The following ABI1 variants were observed in gnomAD, a reference collection of about 807,000 sequenced individuals.
ABI1 encodes the protein abl interactor 1.
In ABI1, 14 loss-of-function variants were observed where a neutral mutation model predicts 54.6. The observed-to-expected ratio is 0.26, with a 90% CI of 0.17 to 0.40. ABI1 has a LOEUF of 0.40. ABI1 is among the 10% of genes least tolerant of loss of function. The pLI is 1.00. For synonymous variants in ABI1, 194 were observed against 209.3 expected (o/e 0.93, Z 0.63); for missense variants, 443 against 598.3 (o/e 0.74, Z 2.71).
At chr10:26,749,345 A>C (rs2132381037) in intron 10 of ABI1, among the ~76,000 whole-genome samples, 1 of 152,344 alleles carries the variant, frequency 6.6e-6, no homozygotes, top group Middle Eastern at 3.4e-3. Flanking sequence ...AGTAACCCTT[A>C]TCTGAAATGC....
At chr10:26,851,706 G>C (rs2050410015) in intron 1 of ABI1, among the ~76,000 whole-genome samples, 1 of 151,650 alleles carries the variant, frequency 6.6e-6, no homozygotes, top group South Asian at 2.1e-4. Flanking sequence ...TAGGACTTTA[G>C]CTAGGAGGAA....
intron 2 of ABI1, among the ~76,000 whole-genome samples, chr10:26,788,140 G>T (rs569989960): frequency 4.6e-5 from 7 of 152,252 alleles, no homozygotes; most frequent in African/African-American, 1.7e-4. Flanking sequence ...AGTCTCACGA[G>T]ATCTGATGGT....
chr10:26,753,653 T>C (rs1052051489), intron 9 of ABI1, among the ~76,000 whole-genome samples: 4 of 152,220 alleles, frequency 2.6e-5, no homozygotes, highest in African/African-American at 9.6e-5. Context: ...ATCACCCACT[T>C]TGAGTGTCAT....
chr10:26,843,764 T>C (rs1486693924), intron 1 of ABI1, among the ~76,000 whole-genome samples: 1 of 150,988 alleles, frequency 6.6e-6, no homozygotes, highest in African/African-American at 2.4e-5. Context: ...AAATACCCAA[T>C]TGAGTTGAAA....
At chr10:26,856,966 C>T (rs2050867543) in intron 1 of ABI1, among the ~76,000 whole-genome samples, 1 of 152,138 alleles carries the variant, frequency 6.6e-6, no homozygotes, top group African/African-American at 2.4e-5. Flanking sequence ...AAAATTCAAT[C>T]TGGTCATAGT....
At chr10:26,783,381 A>T in intron 2 of ABI1, among the ~76,000 whole-genome samples, 1 of 152,228 alleles carries the variant, frequency 6.6e-6, no homozygotes, top group East Asian at 1.9e-4. Flanking sequence ...TTGGTTGCTC[A>T]ACATTGTAAC....
At chr10:26,784,756 T>C (rs1254690494) in intron 2 of ABI1, among the ~76,000 whole-genome samples, 1 of 152,214 alleles carries the variant, frequency 6.6e-6, no homozygotes, top group Non-Finnish European at 1.5e-5. Flanking sequence ...TTCCCGACTT[T>C]AGCTGAAGCA....
At chr10:26,856,972 A>G (rs1197015973) in intron 1 of ABI1, among the ~76,000 whole-genome samples, 1 of 152,174 alleles carries the variant, frequency 6.6e-6, no homozygotes, top group Non-Finnish European at 1.5e-5. Context: ...CAATCTGGTC[A>G]TAGTAAAGGA....
intron 1 of ABI1, among the ~76,000 whole-genome samples, chr10:26,836,910 G>A (rs1296233419): frequency 6.6e-6 from 1 of 152,016 alleles, no homozygotes; most frequent in Admixed American, 6.6e-5. Context: ...TCATAAAAAG[G>A]GTCTTGGCTG....
chr10:26,753,316 A>C (rs1175612981), intron 9 of ABI1, among the ~76,000 whole-genome samples: 44 of 152,158 alleles, frequency 2.9e-4, no homozygotes, highest in Non-Finnish European at 2.9e-5. Context: ...TTTTAATATT[A>C]TTGAGGAGAG....
Position 26,860,325 on chromosome 10 carries a change from T to C in ABI1, c.117+422A>G, listed in dbSNP as rs1229293076. On this transcript the variant is annotated intron_variant, in intron 1 of 10. Transcript: ENST00000376140. This position sits in a 1 kb window ranked among gnomAD's most constrained non-coding sequence, Gnocchi z 4.1. The stretch of plus-strand genomic sequence containing the variant: ...CCCTCTCCTCTCCCCTCTCCCGTCC[T>C]GGACCTCCTCTCCCGGCGCAGAGAG... Among the ~76,000 whole-genome samples the C allele has an allele frequency of 3.3e-5, 5 of 152,052 alleles. No individual in the cohort carries two copies. Among genetic ancestry groups the C allele is most frequent in the Admixed American group, 3.3e-4 (5 of 15,268 alleles).
chr10:26,847,592 A>G (rs1417139887), intron 1 of ABI1, among the ~76,000 whole-genome samples: 1 of 151,930 alleles, frequency 6.6e-6, no homozygotes, highest in African/African-American at 2.4e-5. Context: ...CCACTGTACT[A>G]CAGCCTGAGC....
At chr10:26,837,131 G>A (rs1238131217) in intron 1 of ABI1, among the ~76,000 whole-genome samples, 2 of 152,100 alleles carry the variant, frequency 1.3e-5, no homozygotes. Context: ...ATATACAGTC[G>A]GCTTGGGCTG....
At chr10:26,760,925 C>CT (rs1839060182) in intron 7 of ABI1, among the ~76,000 whole-genome samples, 2 of 143,364 alleles carry the variant, frequency 1.4e-5, no homozygotes, top group African/African-American at 5.2e-5. Context: ...AAGAGTAAGC[C>CT]TTTAACTGTT....
chr10:26,835,443 T>C (rs575350559), intron 1 of ABI1, among the ~76,000 whole-genome samples: 83 of 152,064 alleles, frequency 5.5e-4, no homozygotes, highest in Admixed American at 9.8e-4. Context: ...GGTGTGGTGG[T>C]GCACACCTGT....
At chr10:26,776,066 C>T (rs1841373010) in intron 3 of ABI1, among the ~76,000 whole-genome samples, 1 of 152,118 alleles carries the variant, frequency 6.6e-6, no homozygotes, top group Admixed American at 6.5e-5. Flanking sequence ...TAGCCACATC[C>T]CTGGATAAAA....
chr10:26,756,611 T>TGG (rs1838344442), intron 8 of ABI1, among the ~76,000 whole-genome samples: 1 of 152,168 alleles, frequency 6.6e-6, no homozygotes, highest in Non-Finnish European at 1.5e-5. Context: ...TAATACCAAA[T>TGG]ACTCATGTAT....
At chr10:26,831,134 TC>T (rs2048643942) in intron 1 of ABI1, among the ~76,000 whole-genome samples, 1 of 152,096 alleles carries the variant, frequency 6.6e-6, no homozygotes, top group Non-Finnish European at 1.5e-5. Context: ...TTAACTCTCC[TC>T]CCATTCCTTC....
At chr10:26,831,409 C>A (rs999974630) in intron 1 of ABI1, among the ~76,000 whole-genome samples, 1 of 151,804 alleles carries the variant, frequency 6.6e-6, no homozygotes, top group South Asian at 2.1e-4. Flanking sequence ...CAGGAGTGGT[C>A]GCAGGCACCT....
Sources: gnomAD v4.1 joint callset for allele counts (sites outside exome capture counted in the v4.1 genomes callset) on GRCh38, gnomAD v4.1.1 for gene constraint, Gnocchi (gnomAD v3.1) non-coding constraint, MANE v1.5 for transcripts, NCBI Gene and HGNC (gene_info 2026-07-23, HGNC 2026-07-21) for gene names.